ARAP1: variants seen among roughly 807,000 people sequenced by gnomAD.
The protein encoded by ARAP1 is ArfGAP with RhoGAP domain, ankyrin repeat and PH domain 1.
A neutral mutation model predicts 172.2 loss-of-function variants in ARAP1; 76 were observed. The ratio of observed to expected loss-of-function variants is 0.44; its 90% confidence interval spans 0.37 to 0.53. The LOEUF (loss-of-function observed/expected upper bound fraction) is 0.53, where lower values mean the gene tolerates loss of function less well. ARAP1 is among the 20% of genes least tolerant of loss of function. The pLI is 0.00. For missense variants in ARAP1, 1,686 were observed against 1,977.5 expected (o/e 0.85, Z 2.80); for synonymous variants, 804 against 803.3 (o/e 1.00, Z -0.01).
In ARAP1 at chr11:72,695,623, A is replaced by G; in HGVS notation, c.3426T>C (p.Asp1142=). 1 of 1,614,152 alleles carries G rather than the reference A, an allele frequency of 6.2e-7. No homozygotes were observed. The highest frequency in any genetic ancestry group is 8.5e-7 in the Non-Finnish European group (1 of 1,180,032). The change falls in exon 25 of 35, where the codon GAT becomes GAC. Residue 1142 remains aspartate, a synonymous_variant. Coordinates refer to ENST00000393609, the MANE Select transcript of ARAP1 (RefSeq NM_001040118.3). The surrounding 1 kb of genome is among the most constrained non-coding windows in gnomAD (Gnocchi z 4.4). The part of the protein sequence containing the change: ...INHYVVVFSV[D]EEELRKQREE... ...CCCGCTGCTTCCTGAGCTCTTCCTC[A>G]TCCACCTGGGAAGGGGCGAGAGGCA... is the stretch of plus-strand genomic sequence containing the variant.
intron 1 of ARAP1, among the ~76,000 whole-genome samples, chr11:72,740,284 T>A (rs1362653366): frequency 3.9e-5 from 6 of 152,164 alleles, no homozygotes; most frequent in African/African-American, 1.4e-4. Context: ...AGCATCACCC[T>A]AATAAAATGC....
Position 72,704,560 on chromosome 11 carries a change from G to A in ARAP1, c.1810-226C>T, listed in dbSNP as rs112763752. ...GGTCTCAGGCTCAGTGACAGGACAG[G>A]GAGTCAGCAGACTGACAGGTGGATG... On this transcript the variant is annotated intron_variant, in intron 13 of 34. Coordinates refer to ENST00000393609, the MANE Select transcript of ARAP1 (RefSeq NM_001040118.3). The A allele has an allele frequency of 2.1e-5, 11 of 528,668 alleles. No individual in the cohort carries two copies. The African/African-American group carries it at 2.2e-4, about 10-fold the overall frequency. The allele number at this position is 528,668 out of a possible 1,614,324, so 32.7% of individuals were successfully genotyped here. A position where few individuals can be genotyped will look rare whatever the true frequency, so the allele number is the denominator to read the frequency against.
rs759692897 is a variant in ARAP1, at chr11:72,712,465, T to A, written c.851A>T (p.Asp284Val). The change falls in exon 6 of 35, where the codon GAT (aspartate) becomes GTT (valine). Residue 284 changes from aspartate (D) to valine (V), a missense_variant. By Grantham distance (152) the Asp-to-Val change is radical. Transcript: ENST00000393609. ...GGGGACGCCCTCATAGGCGTGGTCATCCTCTTCCTCATCCCCTTGGTCGTC... is the reference window on the plus strand; with the variant it reads ...GGGGACGCCCTCATAGGCGTGGTCAACCTCTTCCTCATCCCCTTGGTCGTC... ...SGDDQGDEEE[D>V]DHAYEGVPNG... 6.2e-7 allele frequency: 1 copy of A among 1,603,296 alleles called. No homozygotes were observed. The highest frequency in any genetic ancestry group is 2.2e-5 in the East Asian group (1 of 44,576).
Position 72,725,807 on chromosome 11 carries a change from G to A in ARAP1, c.509+813C>T, listed in dbSNP as rs1424174191. Among the ~76,000 whole-genome samples, 3 of 152,100 alleles carry A rather than the reference G, an allele frequency of 2.0e-5. No homozygotes were observed. The highest frequency in any genetic ancestry group is 1.9e-4 in the East Asian group (1 of 5,182). ...CCAGCAATAAACAAACAGGGACCAGGAGACCTCTCTCCGCACACCCCTTCC... is the reference window on the plus strand; with the variant it reads ...CCAGCAATAAACAAACAGGGACCAGAAGACCTCTCTCCGCACACCCCTTCC... On this transcript the variant is annotated intron_variant, in intron 3 of 34. Coordinates refer to ENST00000393609, the MANE Select transcript of ARAP1 (RefSeq NM_001040118.3). This position sits in a 1 kb window ranked among gnomAD's most constrained non-coding sequence, Gnocchi z 4.3.
Position 72,712,434 on chromosome 11 carries a change from T to C in ARAP1, c.878+4A>G. 1 of 1,566,050 alleles carries C rather than the reference T, an allele frequency of 6.4e-7. No homozygotes were observed. The highest frequency in any genetic ancestry group is 1.2e-5 in the South Asian group (1 of 85,330). ...AGTGGGAAGGAGGGTGGCCGGACAC[T>C]CACTTGGGGACGCCCTCATAGGCGT... is the stretch of plus-strand genomic sequence containing the variant. On this transcript the variant is annotated splice_donor_region_variant and intron_variant, in intron 6 of 34. Transcript: ENST00000393609.
At position 72,685,676 on chromosome 11, in the gene ARAP1, C is replaced by T. The variant is rs1019026655; in HGVS notation, c.4341G>A (p.Leu1447=). The T allele has an allele frequency of 9.3e-6, 15 of 1,614,066 alleles. No individual in the cohort carries two copies. Among genetic ancestry groups the T allele is most frequent in the Non-Finnish European group, 5.1e-6 (6 of 1,179,904 alleles). The part of the protein sequence containing the change: ...AAFTADPLSL[L]RNV ...TGGGCTCCTGTGCTCAGACGTTGCG[C>T]AGAAGCTGCAGGAAGGCAAGAGACC... Residue 1447 remains leucine, a synonymous_variant, in exon 35 of 35, where the codon CTG becomes CTA. Coordinates refer to ENST00000393609, the MANE Select transcript of ARAP1 (RefSeq NM_001040118.3).
intron 1 of ARAP1, among the ~76,000 whole-genome samples, chr11:72,748,952 T>C (rs1306286806): frequency 2.0e-5 from 3 of 152,216 alleles, no homozygotes; most frequent in Non-Finnish European, 2.9e-5. Flanking sequence ...ATCCTCATGC[T>C]GTTCAGAACC....
At chr11:72,698,867 C>T (rs1856336926) in intron 18 of ARAP1, 138 bp downstream of exon 18, 2 of 890,740 alleles carry the variant, frequency 2.2e-6, no homozygotes, top group African/African-American at 3.3e-5. Context: ...CTTGGTGGGA[C>T]AGGCCCGCTC....
In ARAP1 at chr11:72,707,201, C is replaced by T; in HGVS notation, c.1697G>A (p.Cys566Tyr). 6.3e-7 allele frequency: 1 copy of T among 1,599,630 alleles called. No individual in the cohort carries two copies. Among genetic ancestry groups the T allele is most frequent in the Non-Finnish European group, 8.5e-7 (1 of 1,173,008 alleles). The change falls in exon 12 of 35, where the codon TGT becomes TAT. Residue 566 changes from cysteine to tyrosine, a missense_variant. Physicochemically the swap from Cys to Tyr is radical, Grantham distance 194 (BLOSUM62 -2). Coordinates refer to ENST00000393609, the MANE Select transcript of ARAP1 (RefSeq NM_001040118.3). ...TGCACAGCGCTTGCAGATAACAACA[C>T]AGAGGTTGATGGAGGCCCAGTCAGG... ...PQPDWASINLCVVICKRCAGE... is the reference protein window; with the variant it reads ...PQPDWASINLYVVICKRCAGE...
At chr11:72,750,641 G>A (rs1387502547) in intron 1 of ARAP1, among the ~76,000 whole-genome samples, 1 of 152,186 alleles carries the variant, frequency 6.6e-6, no homozygotes, top group East Asian at 1.9e-4. Flanking sequence ...GTCTCTCTTT[G>A]GGGCATGAGG....
chr11:72,697,073 C>A lies in ARAP1; in HGVS notation c.3076G>T (p.Asp1026Tyr). 1.2e-6 allele frequency: 2 copies of A among 1,610,178 alleles called. No individual in the cohort carries two copies. The highest frequency in any genetic ancestry group is 1.7e-6 in the Non-Finnish European group (2 of 1,179,936). ...HLKEGEQHVD[D>Y]VSSALKRFLR... is the part of the protein sequence containing the mutation. ...AAGCGCTTGAGCGCCGAGGAAACAT[C>A]ATCCACGTGCTGCTCGCCCTCCTTG... Residue 1026 changes from aspartate (D) to tyrosine (Y), a missense_variant, in exon 22 of 35, where the codon GAT becomes TAT. Around this residue, in one of 5 missense-constraint regions of ARAP1, gnomAD observed 274 missense variants for 262.7 expected, o/e 1.04. Transcript: ENST00000393609.
At position 72,704,275 on chromosome 11, in the gene ARAP1, G is replaced by A; in HGVS notation, c.1869C>T (p.Pro623=). The A allele has an allele frequency of 1.2e-6, 2 of 1,612,342 alleles. No homozygotes were observed. Among genetic ancestry groups the A allele is most frequent in the South Asian group, 1.1e-5 (1 of 90,902 alleles). The change falls in exon 14 of 35, where the codon CCC becomes CCT. Residue 623 remains proline (P), a synonymous_variant. Coordinates refer to ENST00000393609, the MANE Select transcript of ARAP1 (RefSeq NM_001040118.3). ...TGCTGCTGGGCTGCAGGGCCTCACT[G>A]GGGGGCACGTTGGCTGCCCAGAAGC... is the stretch of plus-strand genomic sequence containing the variant. ...GNRFWAANVP[P]SEALQPSSSP...
intron 16 of ARAP1, among the ~76,000 whole-genome samples, chr11:72,701,072 T>C (rs1856460984): frequency 6.6e-6 from 1 of 152,160 alleles, no homozygotes; most frequent in African/African-American, 2.4e-5. Context: ...GCAGGAGTGA[T>C]ACTGAAACAG....
In ARAP1 at chr11:72,697,185, G is replaced by A. The variant is rs779411156; in HGVS notation, c.2964C>T (p.Ser988=). The A allele has an allele frequency of 1.4e-5, 22 of 1,602,270 alleles. No individual in the cohort carries two copies. Among genetic ancestry groups the A allele is most frequent in the South Asian group, 2.2e-5 (2 of 91,082 alleles). ...VDYITQCGLT[S]EGIYRKCGQT... is the part of the protein sequence containing the mutation. Reference sequence around the variant, plus strand: ...GCCCACACTTGCGGTAGATGCCCTCGGAGGTCAGGCCTAGGGAGGGGCGGG... The same window carrying A: ...GCCCACACTTGCGGTAGATGCCCTCAGAGGTCAGGCCTAGGGAGGGGCGGG... The change falls in exon 22 of 35, where the codon TCC becomes TCT. Residue 988 remains serine (S), a synonymous_variant. Coordinates refer to ENST00000393609, the MANE Select transcript of ARAP1 (RefSeq NM_001040118.3).
At position 72,705,745 on chromosome 11, in the gene ARAP1, C is replaced by A. The variant is rs1856729259; in HGVS notation, c.1809+60G>T. On this transcript the variant is annotated intron_variant, in intron 13 of 34. Coordinates refer to ENST00000393609, the MANE Select transcript of ARAP1 (RefSeq NM_001040118.3). ...TGAGATAGGGAGGGGGCTGGGAGACCCAGACAGCTGTTGAATGGGGCAGAC... is the reference window on the plus strand; with the variant it reads ...TGAGATAGGGAGGGGGCTGGGAGACACAGACAGCTGTTGAATGGGGCAGAC... 5 of 1,581,130 alleles carry A rather than the reference C, an allele frequency of 3.2e-6. No individual in the cohort carries two copies. In the Admixed American group the frequency reaches 6.7e-5, roughly 21 times the overall value.
chr11:72,696,762 T>G, intron 22 of ARAP1, 108 bp from the exon 23 acceptor site: 1 of 1,019,748 alleles, frequency 9.8e-7, no homozygotes, highest in Non-Finnish European at 1.4e-6. Context: ...CCCTGTGCCC[T>G]CCAAGTCAAT....
chr11:72,703,116 G>A (rs751538655), intron 14 of ARAP1, 37 bp from the exon 15 acceptor site: 12 of 1,496,522 alleles, frequency 8.0e-6, no homozygotes, highest in Non-Finnish European at 1.1e-5. Context: ...CCAAGAAGGA[G>A]TAGGGGGCCC....
intron 1 of ARAP1, among the ~76,000 whole-genome samples, chr11:72,751,200 A>G (rs1785213): frequency 0.99 from 151,400 of 152,180 alleles, 75,317 homozygotes; most frequent in African/African-American, 1. Context: ...CCCCAGGCCC[A>G]GTCCTGACAA....
chr11:72,692,542 A>G (rs1855983013), intron 30 of ARAP1, among the ~76,000 whole-genome samples: 2 of 152,178 alleles, frequency 1.3e-5, no homozygotes, highest in South Asian at 2.1e-4. Context: ...CTGATAAGGA[A>G]CCCTATATTG....
Sources: gnomAD v4.1 joint callset for allele counts (sites outside exome capture counted in the v4.1 genomes callset) on GRCh38, gnomAD v4.1.1 for gene constraint, gnomAD v4.1.1 regional missense constraint, Gnocchi (gnomAD v3.1) non-coding constraint, MANE v1.5 for transcripts, NCBI Gene and HGNC (gene_info 2026-07-23, HGNC 2026-07-21) for gene names.